Variants in PPP1R42 observed in about 807,000 individuals in gnomAD.
The protein encoded by PPP1R42 is protein phosphatase 1 regulatory subunit 42.
PPP1R42 carries 34 observed loss-of-function variants against 31.0 expected under a neutral mutation model. The observed-to-expected ratio is 1.10, with a 90% CI of 0.83 to 1.46. PPP1R42 has a LOEUF of 1.46. Among genes scored for constraint, PPP1R42 ranks in the 40% most tolerant of loss-of-function variants. PPP1R42 has a pLI of 0.00. For missense variants in PPP1R42, 268 were observed against 303.0 expected (o/e 0.88, Z 0.86); for synonymous variants, 103 against 109.8 (o/e 0.94, Z 0.39).
At chr8:67,015,186 T>C (rs765656336) in intron 2 of PPP1R42, among the ~76,000 whole-genome samples, 5 of 151,288 alleles carry the variant, frequency 3.3e-5, no homozygotes, top group African/African-American at 9.7e-5. Flanking sequence ...GCCCGGCTAA[T>C]TTTTGTATTT....
chr8:66,991,055 G>C (rs887162862), intron 5 of PPP1R42, among the ~76,000 whole-genome samples: 2 of 152,122 alleles, frequency 1.3e-5, no homozygotes, highest in Non-Finnish European at 2.9e-5. Flanking sequence ...TATACCTCAT[G>C]ATAAATGGTC....
At chr8:66,999,530 G>A (rs891415122) in intron 5 of PPP1R42, among the ~76,000 whole-genome samples, 1 of 151,960 alleles carries the variant, frequency 6.6e-6, no homozygotes, top group African/African-American at 2.4e-5. Context: ...TGTATTTTTT[G>A]TAGAGATGGG....
At chr8:66,984,630 C>G (rs1814948460) in intron 6 of PPP1R42, 25 of 1,313,832 alleles carry the variant, frequency 1.9e-5, no homozygotes, top group Non-Finnish European at 2.5e-5. Context: ...ATGTCTTAAG[C>G]TTTTAAATTT....
At position 67,014,421 on chromosome 8, in the gene PPP1R42, C is replaced by T. The variant is rs766875377; in HGVS notation, c.296+5G>A. On this transcript the variant is annotated splice_donor_5th_base_variant and intron_variant, in intron 3 of 7. Transcript: ENST00000685739. ...GATACATTATTAAAAAATAAAAGCA[C>T]TTACAGTTTTTCCAGTTTCTTTAAT... The T allele has an allele frequency of 5.5e-6, 8 of 1,462,000 alleles. No individual in the cohort carries two copies. The highest frequency in any genetic ancestry group is 2.5e-5 in the East Asian group (1 of 40,430). 90.6% of individuals were successfully genotyped at this position (1,462,000 alleles called of 1,614,324 possible). A position where few individuals can be genotyped will look rare whatever the true frequency, so the allele number is the denominator to read the frequency against.
intron 5 of PPP1R42, among the ~76,000 whole-genome samples, chr8:67,006,837 C>T (rs1384803864): frequency 2.0e-5 from 3 of 148,938 alleles, no homozygotes; most frequent in Admixed American, 6.8e-5. Context: ...AGCTATGCCT[C>T]CCGGGTTCAC....
chr8:66,989,874 T>G (rs1289993600), intron 5 of PPP1R42, among the ~76,000 whole-genome samples: 2 of 152,194 alleles, frequency 1.3e-5, no homozygotes, highest in Non-Finnish European at 2.9e-5. Context: ...CCATGGCATA[T>G]AAAGTGCCTG....
At chr8:66,965,782 G>A (rs1284615656) in intron 7 of PPP1R42, among the ~76,000 whole-genome samples, 2 of 151,988 alleles carry the variant, frequency 1.3e-5, no homozygotes, top group Non-Finnish European at 2.9e-5. Flanking sequence ...AATTAGATGG[G>A]CGTGGTGGAA....
chr8:67,005,087 T>C (rs1284940922), intron 5 of PPP1R42, among the ~76,000 whole-genome samples: 1 of 151,850 alleles, frequency 6.6e-6, no homozygotes, highest in Non-Finnish European at 1.5e-5. Context: ...GTTTAGTCTT[T>C]CATGAAATCC....
At chr8:66,976,891 A>C (rs1477202355) in intron 7 of PPP1R42, among the ~76,000 whole-genome samples, 2 of 152,066 alleles carry the variant, frequency 1.3e-5, no homozygotes, top group Non-Finnish European at 2.9e-5. Flanking sequence ...TCCTTGATAC[A>C]CTGATTTCTT....
intron 7 of PPP1R42, among the ~76,000 whole-genome samples, chr8:66,966,974 T>TA (rs965576495): frequency 1.3e-5 from 2 of 152,280 alleles, no homozygotes; most frequent in Non-Finnish European, 2.9e-5. Context: ...CTGTTTTAAC[T>TA]AAAAAAAGTT....
chr8:66,999,584 A>G (rs1475209898), intron 5 of PPP1R42, among the ~76,000 whole-genome samples: 1 of 152,188 alleles, frequency 6.6e-6, no homozygotes, highest in African/African-American at 2.4e-5. Flanking sequence ...TCCTGAGCGC[A>G]AGAGATCTGC....
At position 66,964,179 on chromosome 8, in the gene PPP1R42, G is replaced by T; in HGVS notation, c.*142C>A. On this transcript the variant is annotated 3_prime_UTR_variant, in exon 8 of 8. Coordinates refer to ENST00000685739, the MANE Select transcript of PPP1R42 (RefSeq NM_001364910.1). ...AAGATATTGTTGCCTAGTCATATAA[G>T]GTTAAAAACAAAATCAAACGTTTCC... 2.0e-6 allele frequency: 1 copy of T among 510,536 alleles called. No individual in the cohort carries two copies. The highest frequency in any genetic ancestry group is 3.6e-6 in the Non-Finnish European group (1 of 279,314). 31.6% of individuals were successfully genotyped at this position (510,536 alleles called of 1,614,324 possible).
At chr8:66,984,681 G>A (rs925984404) in intron 6 of PPP1R42, 1 of 1,530,928 alleles carries the variant, frequency 6.5e-7, no homozygotes, top group East Asian at 2.3e-5. Flanking sequence ...TTCAGGCAGA[G>A]TTGGCCTCTT....
chr8:67,000,696 AT>A (rs1815457743), intron 5 of PPP1R42, among the ~76,000 whole-genome samples: 1 of 152,084 alleles, frequency 6.6e-6, no homozygotes, highest in Admixed American at 6.6e-5. Context: ...GGGTTCAAAA[AT>A]TCCACCTGCC....
At chr8:67,000,320 C>T (rs1340785417) in intron 5 of PPP1R42, among the ~76,000 whole-genome samples, 1 of 151,986 alleles carries the variant, frequency 6.6e-6, no homozygotes, top group Non-Finnish European at 1.5e-5. Context: ...GCATTCAAAG[C>T]TATAACTTTC....
intron 1 of PPP1R42, among the ~76,000 whole-genome samples, chr8:67,026,156 T>C (rs1432840968): frequency 6.6e-6 from 1 of 150,538 alleles, no homozygotes; most frequent in Non-Finnish European, 1.5e-5. Context: ...ACCAATATGA[T>C]GAAACCCTGT....
intron 6 of PPP1R42, chr8:66,986,102 G>A (rs576919644): frequency 1.4e-6 from 1 of 713,226 alleles, no homozygotes; most frequent in Admixed American, 1.8e-5. Context: ...TCTTGTCCAT[G>A]CTCTTCCCTA....
At chr8:66,994,138 C>G (rs775121045) in intron 5 of PPP1R42, among the ~76,000 whole-genome samples, 6 of 151,874 alleles carry the variant, frequency 4.0e-5, no homozygotes, top group Non-Finnish European at 7.4e-5. Flanking sequence ...GGTAAGGAGT[C>G]CTTGGCAGTT....
At chr8:66,970,650 G>C (rs1235732514) in intron 7 of PPP1R42, among the ~76,000 whole-genome samples, 1 of 152,096 alleles carries the variant, frequency 6.6e-6, no homozygotes, top group Non-Finnish European at 1.5e-5. Flanking sequence ...CATCAGCTAG[G>C]CCTCAGGCTC....
Sources: gnomAD v4.1 joint callset for allele counts (sites outside exome capture counted in the v4.1 genomes callset) on GRCh38, gnomAD v4.1.1 for gene constraint, MANE v1.5 for transcripts, NCBI Gene and HGNC (gene_info 2026-07-23, HGNC 2026-07-21) for gene names.